LRRTM4: variants seen among roughly 807,000 people sequenced by gnomAD.
LRRTM4 encodes leucine rich repeat transmembrane neuronal 4, also known as leucine-rich repeat transmembrane neuronal protein 4.
A neutral mutation model predicts 47.6 loss-of-function variants in LRRTM4; 25 were observed. The observed-to-expected ratio is 0.53, with a 90% confidence interval of 0.38 to 0.73. The LOEUF is 0.73. LRRTM4 is among the 30% of genes least tolerant of loss of function. LRRTM4 has a pLI of 0.00. For synonymous variants in LRRTM4, 311 were observed against 269.5 expected (o/e 1.15, Z -1.51); for missense variants, 638 against 713.4 (o/e 0.89, Z 1.20).
intron 3 of LRRTM4, among the ~76,000 whole-genome samples, chr2:77,438,555 T>C (rs182623778): frequency 1.6e-3 from 239 of 151,898 alleles, no homozygotes; most frequent in East Asian, 3.5e-3. Context: ...TACAGGCGCC[T>C]GCCACCACTC....
intron 3 of LRRTM4, among the ~76,000 whole-genome samples, chr2:77,109,095 G>C (rs1203070276): frequency 6.6e-6 from 1 of 152,184 alleles, no homozygotes; most frequent in Non-Finnish European, 1.5e-5. Flanking sequence ...GTAACAGAAA[G>C]TGAAACTATA....
intron 3 of LRRTM4, among the ~76,000 whole-genome samples, chr2:76,940,766 C>T (rs1675111435): frequency 6.6e-6 from 1 of 152,188 alleles, no homozygotes; most frequent in South Asian, 2.1e-4. Flanking sequence ...GAGGTCTCCA[C>T]TTCCCCTTAC....
chr2:77,461,936 A>G (rs1676803749), intron 3 of LRRTM4, among the ~76,000 whole-genome samples: 1 of 152,122 alleles, frequency 6.6e-6, no homozygotes, highest in Non-Finnish European at 1.5e-5. Flanking sequence ...GTATGTATTA[A>G]TTAACATCAG....
chr2:76,794,462 T>C (rs1043454843), intron 3 of LRRTM4, among the ~76,000 whole-genome samples: 2 of 152,154 alleles, frequency 1.3e-5, no homozygotes, highest in African/African-American at 2.4e-5. Flanking sequence ...TGAACAATAG[T>C]TTTTTCTTTC....
At chr2:77,291,354 A>G (rs185077798) in intron 3 of LRRTM4, among the ~76,000 whole-genome samples, 5 of 152,252 alleles carry the variant, frequency 3.3e-5, no homozygotes, top group Admixed American at 3.3e-4. Flanking sequence ...AGAAATCAAC[A>G]AAGATCTTAG....
chr2:77,145,911 CT>C (rs1672250000), intron 3 of LRRTM4, among the ~76,000 whole-genome samples: 1 of 151,928 alleles, frequency 6.6e-6, no homozygotes, highest in African/African-American at 2.4e-5. Flanking sequence ...GATTATTATT[CT>C]TTCGAAAAAA....
chr2:77,055,292 A>G (rs1454931783), intron 3 of LRRTM4, among the ~76,000 whole-genome samples: 4 of 152,310 alleles, frequency 2.6e-5, no homozygotes, highest in East Asian at 1.9e-4. Context: ...GATTCTCAGG[A>G]AAGAACATGC....
At chr2:77,462,304 T>A (rs1179275360) in intron 3 of LRRTM4, among the ~76,000 whole-genome samples, 1 of 152,030 alleles carries the variant, frequency 6.6e-6, no homozygotes. Flanking sequence ...TAAAACCAAA[T>A]CTTTCAAGGG....
intron 3 of LRRTM4, among the ~76,000 whole-genome samples, chr2:76,848,313 A>G (rs916766267): frequency 3.9e-5 from 6 of 152,178 alleles, no homozygotes; most frequent in African/African-American, 1.2e-4. Context: ...AAAGATAAGC[A>G]TAATATCTGA....
At chr2:77,480,360 G>A (rs557101452) in intron 3 of LRRTM4, among the ~76,000 whole-genome samples, 1 of 152,274 alleles carries the variant, frequency 6.6e-6, no homozygotes, top group Admixed American at 6.5e-5. Context: ...CTCTTCATTA[G>A]AAATGCTTTG....
At chr2:77,366,072 A>G (rs1470722421) in intron 3 of LRRTM4, among the ~76,000 whole-genome samples, 1 of 151,740 alleles carries the variant, frequency 6.6e-6, no homozygotes. Flanking sequence ...TAAGTCTAGC[A>G]TATAAACATC....
chr2:77,107,969 TGAA>T (rs2103926714), intron 3 of LRRTM4, among the ~76,000 whole-genome samples: 1 of 152,176 alleles, frequency 6.6e-6, no homozygotes, highest in Admixed American at 6.5e-5. Flanking sequence ...TTAGATATGA[TGAA>T]GTTTTGCTCA....
At chr2:77,214,076 C>T (rs549215456) in intron 3 of LRRTM4, among the ~76,000 whole-genome samples, 45 of 152,116 alleles carry the variant, frequency 3.0e-4, no homozygotes, top group African/African-American at 9.9e-4. Context: ...AACATTGAGT[C>T]TAAATGAAAA....
intron 3 of LRRTM4, among the ~76,000 whole-genome samples, chr2:77,371,652 G>A (rs1361358767): frequency 1.3e-5 from 2 of 151,558 alleles, no homozygotes; most frequent in African/African-American, 4.8e-5. Flanking sequence ...GGTTTTTGGG[G>A]GGTCCTCCTT....
chr2:77,367,494 G>A (rs1672506530), intron 3 of LRRTM4, among the ~76,000 whole-genome samples: 1 of 151,726 alleles, frequency 6.6e-6, no homozygotes, highest in African/African-American at 2.4e-5. Flanking sequence ...CTGTGGAATA[G>A]GTAATTACTA....
chr2:76,785,056 T>C (rs17404969), intron 3 of LRRTM4, among the ~76,000 whole-genome samples: 20,932 of 152,090 alleles, frequency 0.14, 1,639 homozygotes, highest in Middle Eastern at 0.19. Context: ...TGTATGAACA[T>C]TGAATCTAGT....
chr2:76,962,109 C>A (rs1675879808), intron 3 of LRRTM4, among the ~76,000 whole-genome samples: 7 of 151,116 alleles, frequency 4.6e-5, no homozygotes. Flanking sequence ...GATGATAGAA[C>A]TAAGGCTTGG....
chr2:77,475,437 T>C (rs537527662), intron 3 of LRRTM4, among the ~76,000 whole-genome samples: 102 of 152,166 alleles, frequency 6.7e-4, no homozygotes, highest in Non-Finnish European at 1.2e-3. Flanking sequence ...ATGGCTAAAA[T>C]ACTTTTTACA....
At chr2:77,224,745 C>T (rs1305889384) in intron 3 of LRRTM4, among the ~76,000 whole-genome samples, 3 of 152,074 alleles carry the variant, frequency 2.0e-5, no homozygotes, top group African/African-American at 7.2e-5. Flanking sequence ...GAAATAGGAA[C>T]ACTTTTACAC....
Sources: allele counts gnomAD v4.1 joint callset (sites outside exome capture counted in the v4.1 genomes callset), GRCh38; gene constraint gnomAD v4.1.1; transcripts MANE v1.5; gene names NCBI Gene and HGNC (gene_info 2026-07-23, HGNC 2026-07-21).